CDH12: variants seen among roughly 807,000 people sequenced by gnomAD.
CDH12 encodes the protein cadherin 12, also known as cadherin-12.
A neutral mutation model predicts 74.1 loss-of-function variants in CDH12; 41 were observed. The observed-to-expected ratio is 0.55, with a 90% CI of 0.43 to 0.72. The LOEUF (loss-of-function observed/expected upper bound fraction) is 0.72, where lower values mean the gene tolerates loss of function less well. Ranked by LOEUF, CDH12 falls within the 30% of genes least tolerant of loss-of-function variation. The probability of loss-of-function intolerance (pLI) is 0.00; values close to 1 mark genes in which losing one functional copy is unlikely to be tolerated. For missense variants in CDH12, 945 were observed against 977.2 expected, an observed-to-expected ratio of 0.97 and a Z score of 0.44; for synonymous variants, 399 against 355.0, an observed-to-expected ratio of 1.12 and a Z score of -1.39.
At chr5:22,830,867 A>G (rs1736573329) in intron 1 of CDH12, among the ~76,000 whole-genome samples, 5 of 151,670 alleles carry the variant, frequency 3.3e-5, no homozygotes, top group Admixed American at 3.3e-4. Flanking sequence ...ATTACATAAT[A>G]TATATGATTA....
chr5:22,333,847 T>C (rs1739448483), intron 3 of CDH12, among the ~76,000 whole-genome samples: 1 of 152,236 alleles, frequency 6.6e-6, no homozygotes, highest in African/African-American at 2.4e-5. Context: ...TAAATCCATG[T>C]GGTACATCAT....
At chr5:22,488,129 G>T (rs1329076090) in intron 2 of CDH12, among the ~76,000 whole-genome samples, 1 of 152,264 alleles carries the variant, frequency 6.6e-6, no homozygotes, top group Non-Finnish European at 1.5e-5. Flanking sequence ...AGTTTAACAT[G>T]ATTTGACACA....
chr5:21,858,024 T>C (rs1366316172), intron 6 of CDH12, among the ~76,000 whole-genome samples: 3 of 90,768 alleles, frequency 3.3e-5, no homozygotes, highest in Admixed American at 2.1e-4. Flanking sequence ...TGTATCTCCC[T>C]TTTTTTTTTA....
intron 1 of CDH12, among the ~76,000 whole-genome samples, chr5:22,722,597 G>C (rs1369147732): frequency 6.6e-6 from 1 of 152,152 alleles, no homozygotes; most frequent in Non-Finnish European, 1.5e-5. Context: ...AAGTTCAAGT[G>C]ATATAGATGA....
chr5:22,111,290 T>C (rs149261892), intron 4 of CDH12, among the ~76,000 whole-genome samples: 26 of 152,260 alleles, frequency 1.7e-4, no homozygotes, highest in Non-Finnish European at 3.5e-4. Context: ...ACTAACAAAA[T>C]GGGCTAAAGA....
rs185337347 is a variant in CDH12, at chr5:22,374,855, A to T, written c.-333+30402T>A. On this transcript the variant is annotated intron_variant, in intron 3 of 14. Coordinates refer to ENST00000382254, the MANE Select transcript of CDH12 (RefSeq NM_004061.5). Reference sequence around the variant, plus strand: ...TGCATGCTCATGAATTGAAAAAAAAATAGTATTGTTAAAATGATAATCCTG... The same window carrying T: ...TGCATGCTCATGAATTGAAAAAAAATTAGTATTGTTAAAATGATAATCCTG... Among the ~76,000 whole-genome samples the T allele has an allele frequency of 2.3e-4, 35 of 152,228 alleles. No homozygotes were observed. The East Asian group carries it at 6.0e-3, about 26-fold the overall frequency.
chr5:21,861,485 C>T (rs907772261), intron 6 of CDH12, among the ~76,000 whole-genome samples: 5 of 152,116 alleles, frequency 3.3e-5, no homozygotes, highest in Middle Eastern at 3.4e-3. Context: ...ATTTGATTTA[C>T]ATAGTATTTT....
intron 3 of CDH12, among the ~76,000 whole-genome samples, chr5:22,302,295 C>T (rs1434228866): frequency 6.6e-6 from 1 of 152,056 alleles, no homozygotes; most frequent in East Asian, 1.9e-4. Context: ...CAAGAAATAA[C>T]AATGCAAATA....
intron 3 of CDH12, among the ~76,000 whole-genome samples, chr5:22,322,638 T>C (rs1457123886): frequency 6.6e-6 from 1 of 152,214 alleles, no homozygotes; most frequent in African/African-American, 2.4e-5. Context: ...CACTTTAACT[T>C]TGAATCTGTC....
rs777233177 is a variant in CDH12, at chr5:21,751,943, C to T, written c.2179G>A (p.Asp727Asn). The T allele has an allele frequency of 2.5e-6, 4 of 1,613,918 alleles. No individual in the cohort carries two copies. The East Asian group carries it at 8.9e-5, about 36-fold the overall frequency. The part of the protein sequence containing the change: ...IHQRLQENDV[D>N]PTAPPYDSLA... ...GAATCGTATGGTGGGGCAGTTGGAT[C>T]CACATCATTTTCCTGTAGCCTTTGA... The change falls in exon 15 of 15, where the codon GAT (aspartate) becomes AAT (asparagine). Residue 727 changes from aspartate to asparagine, a missense_variant. Transcript: ENST00000382254.
intron 2 of CDH12, among the ~76,000 whole-genome samples, chr5:22,492,332 C>A (rs1746908325): frequency 7.0e-6 from 1 of 142,306 alleles, no homozygotes; most frequent in Non-Finnish European, 1.5e-5. Context: ...TCCATGCCTA[C>A]AGTCTCCTAC....
rs138749914 is a variant in CDH12, at chr5:22,498,939, T to C, written c.-428+6331A>G. ...TTTTTTTTGTGACGTAGTCTTGCCC[T>C]GACACCCAGACTGGAGTGAAGTGGC... On this transcript the variant is annotated intron_variant, in intron 2 of 14. Transcript: ENST00000382254. 2.2e-3 allele frequency among the ~76,000 whole-genome samples: 304 copies of C among 138,860 alleles called. 8 individuals carry two copies. The East Asian group carries it at 0.025, about 11-fold the overall frequency. The allele number at this position is 138,860 out of a possible 152,430, so 91.1% of individuals were successfully genotyped here. A position where few individuals can be genotyped will look rare whatever the true frequency, so the allele number is the denominator to read the frequency against.
intron 6 of CDH12, among the ~76,000 whole-genome samples, chr5:21,916,361 A>T (rs1754093558): frequency 6.6e-6 from 1 of 152,140 alleles, no homozygotes; most frequent in Admixed American, 6.5e-5. Flanking sequence ...ATTATGGGAA[A>T]CTTTTACTTG....
intron 4 of CDH12, among the ~76,000 whole-genome samples, chr5:22,153,490 G>A (rs1747751998): frequency 6.6e-6 from 1 of 151,432 alleles, no homozygotes; most frequent in Non-Finnish European, 1.5e-5. Context: ...TGAAGGGAGA[G>A]GTAAACATAT....
intron 1 of CDH12, among the ~76,000 whole-genome samples, chr5:22,565,648 T>TG (rs1739249482): frequency 6.6e-6 from 1 of 152,178 alleles, no homozygotes; most frequent in African/African-American, 2.4e-5. Context: ...AAAATCCTCT[T>TG]GGGGGTATTT....
chr5:22,409,543 T>C (rs1743093140), intron 2 of CDH12, among the ~76,000 whole-genome samples: 1 of 152,052 alleles, frequency 6.6e-6, no homozygotes, highest in Admixed American at 6.6e-5. Context: ...ACAGCATAAC[T>C]CTAGAGTCAT....
Position 22,442,623 on chromosome 5 carries a change from C to T in CDH12, c.-427-37272G>A, listed in dbSNP as rs141370663. ...TTTGTGATCACCCTGTTTTTTATTC[C>T]GTTAATTTTGTTCTGCTAATGCTCA... On this transcript the variant is annotated intron_variant, in intron 2 of 14. Coordinates refer to ENST00000382254, the MANE Select transcript of CDH12 (RefSeq NM_004061.5). 3.3e-5 allele frequency among the ~76,000 whole-genome samples: 5 copies of T among 152,046 alleles called. No homozygotes were observed. The East Asian group carries it at 7.8e-4, about 24-fold the overall frequency.
chr5:22,432,603 C>T (rs1580644081), intron 2 of CDH12, among the ~76,000 whole-genome samples: 2 of 151,694 alleles, frequency 1.3e-5, no homozygotes, highest in Admixed American at 1.3e-4. Flanking sequence ...TCAAAGAAGT[C>T]GTGATTGACA....
intron 5 of CDH12, among the ~76,000 whole-genome samples, chr5:22,076,384 AT>A (rs1479859548): frequency 6.6e-6 from 1 of 152,122 alleles, no homozygotes; most frequent in Non-Finnish European, 1.5e-5. Flanking sequence ...GTTCTAATAA[AT>A]GTCAGTTTTA....
Sources: gnomAD v4.1 joint callset for allele counts (sites outside exome capture counted in the v4.1 genomes callset) on GRCh38, gnomAD v4.1.1 for gene constraint, MANE v1.5 for transcripts, NCBI Gene and HGNC (gene_info 2026-07-23, HGNC 2026-07-21) for gene names.